OCM: variants seen among roughly 807,000 people sequenced by gnomAD.
OCM encodes the protein oncomodulin-1.
In OCM, 18 loss-of-function variants were observed where a neutral mutation model predicts 14.1. That is an observed-to-expected ratio of 1.28 (90% CI 0.88 to 1.89). The LOEUF is 1.89. Among genes scored for constraint, OCM ranks in the 40% most tolerant of loss-of-function variants. The pLI is 0.00. For missense variants in OCM, 140 were observed against 137.6 expected (o/e 1.02, Z -0.09); for synonymous variants, 48 against 51.0 (o/e 0.94, Z 0.25).
the OCM span, among the ~76,000 whole-genome samples, chr7:5,860,486 CGTGTAT>C: frequency 1.9e-4 from 15 of 79,588 alleles, no homozygotes; most frequent in African/African-American, 1.1e-3. Flanking sequence ...TGTATATATA[CGTGTAT>C]ATATATATTA....
At chr7:5,877,753 G>A (rs1320923798), upstream of OCM, among the ~76,000 whole-genome samples, 1 of 142,820 alleles carries the variant, frequency 7.0e-6, no homozygotes, top group African/African-American at 2.6e-5. Context: ...CTGGGAGGTG[G>A]AGGTTGTAGT....
the OCM span, among the ~76,000 whole-genome samples, chr7:5,860,380 A>C: frequency 6.8e-6 from 1 of 147,048 alleles, no homozygotes; most frequent in African/African-American, 2.5e-5. Context: ...ATATATATAT[A>C]TCATTAGGTA....
At chr7:5,883,543 G>A (rs1250289779) in intron 2 of OCM, among the ~76,000 whole-genome samples, 1 of 151,774 alleles carries the variant, frequency 6.6e-6, no homozygotes, top group Non-Finnish European at 1.5e-5. Flanking sequence ...AAATGTTAGT[G>A]GGGCATGGTG....
the OCM span, among the ~76,000 whole-genome samples, chr7:5,864,735 A>T: frequency 6.6e-6 from 1 of 152,008 alleles, no homozygotes; most frequent in Non-Finnish European, 1.5e-5. Context: ...CAGGCGGATC[A>T]CCTGAGGTTG....
the OCM span, chr7:5,871,955 G>C: frequency 3.9e-5 from 6 of 152,268 alleles, no homozygotes; most frequent in African/African-American, 1.2e-4. Flanking sequence ...CCAATCGGCA[G>C]AGCGCCCTGC....
chr7:5,869,156 A>G, the OCM span, among the ~76,000 whole-genome samples: 16 of 152,212 alleles, frequency 1.1e-4, no homozygotes, highest in African/African-American at 3.9e-4. Context: ...TGAATACAGT[A>G]CTGACAGAAA....
At chr7:5,866,061 C>G in the OCM span, among the ~76,000 whole-genome samples, 3 of 151,770 alleles carry the variant, frequency 2.0e-5, no homozygotes, top group African/African-American at 7.3e-5. Context: ...TGGCTCGTGC[C>G]TGCAATCCTA....
chr7:5,860,262 A>C, the OCM span, among the ~76,000 whole-genome samples: 1 of 151,640 alleles, frequency 6.6e-6, no homozygotes, highest in African/African-American at 2.4e-5. Flanking sequence ...GTTCATGAAA[A>C]AATCAGCGTC....
upstream of OCM, among the ~76,000 whole-genome samples, chr7:5,876,217 T>A (rs9648586): frequency 0.082 from 12,449 of 152,232 alleles, 613 homozygotes; most frequent in Admixed American, 0.12. Flanking sequence ...TTGGCCAGGC[T>A]GGCCTCGAAC....
chr7:5,885,418 G>C (rs1272746257), intron 3 of OCM, among the ~76,000 whole-genome samples: 2 of 152,142 alleles, frequency 1.3e-5, no homozygotes, highest in African/African-American at 2.4e-5. Context: ...AATGTTCACA[G>C]ATGGTCACAG....
At chr7:5,884,900 C>T (rs1026354207) in intron 3 of OCM, among the ~76,000 whole-genome samples, 1 of 151,942 alleles carries the variant, frequency 6.6e-6, no homozygotes, top group African/African-American at 2.4e-5. Flanking sequence ...TGGGCAGATC[C>T]CCTGAAGTCG....
chr7:5,866,116 C>T, the OCM span, among the ~76,000 whole-genome samples: 2 of 151,136 alleles, frequency 1.3e-5, no homozygotes, highest in Admixed American at 1.3e-4. Flanking sequence ...AGGCTAGGAG[C>T]TGAACACCAG....
chr7:5,864,682 C>T, the OCM span, among the ~76,000 whole-genome samples: 1 of 151,922 alleles, frequency 6.6e-6, no homozygotes, highest in African/African-American at 2.4e-5. Flanking sequence ...AGGCCGGGCA[C>T]CGTGGCTCAC....
the OCM span, among the ~76,000 whole-genome samples, chr7:5,863,781 C>A: frequency 1.3e-5 from 2 of 152,030 alleles, no homozygotes; most frequent in Non-Finnish European, 2.9e-5. Context: ...ATCTGCCTGA[C>A]TCGGCGTCGC....
At chr7:5,879,670 AG>A (rs1781167549), upstream of OCM, among the ~76,000 whole-genome samples, 1 of 146,218 alleles carries the variant, frequency 6.8e-6, no homozygotes, top group African/African-American at 2.6e-5. Flanking sequence ...TTGAAATCTT[AG>A]TTAAGGTTTG....
upstream of OCM, among the ~76,000 whole-genome samples, chr7:5,878,570 C>T (rs532732314): frequency 6.6e-5 from 10 of 150,952 alleles, no homozygotes; most frequent in South Asian, 1.7e-3. Context: ...CACGGTGAAA[C>T]CCTGTCTGTA....
the OCM span, among the ~76,000 whole-genome samples, chr7:5,870,656 A>G: frequency 6.6e-6 from 1 of 152,208 alleles, no homozygotes; most frequent in Admixed American, 6.6e-5. Context: ...TAGGAGCATC[A>G]ATAGCTGCCT....
the OCM span, among the ~76,000 whole-genome samples, chr7:5,874,686 TG>T: frequency 1.3e-5 from 2 of 151,826 alleles, no homozygotes; most frequent in Non-Finnish European, 2.9e-5. Flanking sequence ...TTTTATTTTT[TG>T]TAGAGACGGG....
At chr7:5,872,758 G>A in the OCM span, among the ~76,000 whole-genome samples, 1 of 152,172 alleles carries the variant, frequency 6.6e-6, no homozygotes, top group South Asian at 2.1e-4. Flanking sequence ...AGGGTCCTCT[G>A]CCTAGGAAAA....
Sources: allele counts gnomAD v4.1 joint callset (sites outside exome capture counted in the v4.1 genomes callset), GRCh38; gene constraint gnomAD v4.1.1; transcripts MANE v1.5; gene names NCBI Gene and HGNC (gene_info 2026-07-23, HGNC 2026-07-21).